The following FRK variants were observed in gnomAD, a reference collection of about 807,000 sequenced individuals.
The protein encoded by FRK is tyrosine-protein kinase FRK.
In FRK, 51 loss-of-function variants were observed where a neutral mutation model predicts 56.4. The ratio of observed to expected loss-of-function variants is 0.90; its 90% CI spans 0.72 to 1.14. The LOEUF (loss-of-function observed/expected upper bound fraction) is 1.14. Ranked by LOEUF, FRK falls within the 50% of genes most tolerant of loss-of-function variation. The probability of loss-of-function intolerance (pLI) is 0.00; values close to 1 mark genes in which losing one functional copy is unlikely to be tolerated. For missense variants in FRK, 570 were observed against 601.4 expected (o/e 0.95, Z 0.55); for synonymous variants, 245 against 217.9 (o/e 1.12, Z -1.10).
intron 2 of FRK, among the ~76,000 whole-genome samples, chr6:115,984,072 C>G (rs1273773325): frequency 6.6e-6 from 1 of 152,094 alleles, no homozygotes; most frequent in Non-Finnish European, 1.5e-5. Context: ...TTTCAAGGCC[C>G]AGCTCAGGCA....
At chr6:116,014,439 G>A (rs1035392137) in intron 1 of FRK, among the ~76,000 whole-genome samples, 1 of 151,822 alleles carries the variant, frequency 6.6e-6, no homozygotes, top group Non-Finnish European at 1.5e-5. Context: ...AATATACTTT[G>A]AAAGGATTTG....
chr6:115,988,195 C>A (rs1269470238), intron 2 of FRK, among the ~76,000 whole-genome samples: 2 of 152,060 alleles, frequency 1.3e-5, no homozygotes, highest in Non-Finnish European at 2.9e-5. Context: ...TGACAGGATG[C>A]TGATAAATAG....
At chr6:116,024,463 T>G (rs1198868519) in intron 1 of FRK, among the ~76,000 whole-genome samples, 6 of 148,582 alleles carry the variant, frequency 4.0e-5, no homozygotes, top group African/African-American at 1.5e-4. Context: ...CCCCTTCTTG[T>G]GTCCATGTGT....
In FRK at chr6:115,936,587, T is replaced by A. The variant is rs890876337; in HGVS notation, c.*5827A>T. 1 of 152,162 alleles carries A rather than the reference T, an allele frequency of 6.6e-6. No individual in the cohort carries two copies. Among genetic ancestry groups the A allele is most frequent in the Non-Finnish European group, 1.5e-5 (1 of 68,044 alleles). The allele number at this position is 152,162 out of a possible 1,614,324, so 9.4% of individuals were successfully genotyped here. On this transcript the variant is annotated 3_prime_UTR_variant, in exon 8 of 8. Coordinates refer to ENST00000606080, the MANE Select transcript of FRK (RefSeq NM_002031.3). Reference sequence around the variant, plus strand: ...GAAGTTAAGAACACTGTAAAAAGATTAGAGGAATTGCTAACTAGAATAACA... The same window carrying A: ...GAAGTTAAGAACACTGTAAAAAGATAAGAGGAATTGCTAACTAGAATAACA...
At chr6:115,962,159 T>C (rs1481807754) in intron 4 of FRK, among the ~76,000 whole-genome samples, 2 of 137,980 alleles carry the variant, frequency 1.4e-5, no homozygotes, top group African/African-American at 5.6e-5. Flanking sequence ...CCATCTCACG[T>C]GCAGAGACAC....
At chr6:115,985,694 G>T (rs533962268) in intron 2 of FRK, among the ~76,000 whole-genome samples, 56 of 152,008 alleles carry the variant, frequency 3.7e-4, no homozygotes, top group African/African-American at 1.3e-3. Flanking sequence ...AAATGTTCAG[G>T]ACAGTGTCTA....
intron 2 of FRK, among the ~76,000 whole-genome samples, chr6:115,978,891 A>G (rs1236868199): frequency 6.6e-6 from 1 of 152,160 alleles, no homozygotes. Context: ...ATCTTTACAA[A>G]AAATGAACAA....
the FRK span, among the ~76,000 whole-genome samples, chr6:116,100,169 T>C: frequency 1.2e-4 from 19 of 152,328 alleles, no homozygotes; most frequent in East Asian, 3.5e-3. Context: ...AAAAAATTCA[T>C]TACAATAACA....
At chr6:115,949,298 T>G (rs1772607263) in intron 5 of FRK, among the ~76,000 whole-genome samples, 1 of 152,202 alleles carries the variant, frequency 6.6e-6, no homozygotes, top group African/African-American at 2.4e-5. Context: ...CTGATTGTCC[T>G]GGCCAGAACT....
At chr6:116,098,692 G>C in the FRK span, among the ~76,000 whole-genome samples, 5 of 152,182 alleles carry the variant, frequency 3.3e-5, no homozygotes, top group Non-Finnish European at 7.3e-5. Context: ...ACTTGTAGTT[G>C]ATAATACAAG....
At chr6:115,947,255 T>C (rs1046761474) in intron 5 of FRK, among the ~76,000 whole-genome samples, 7 of 152,010 alleles carry the variant, frequency 4.6e-5, no homozygotes, top group Admixed American at 3.3e-4. Flanking sequence ...ATATATATGA[T>C]ATTTTTAATA....
intron 4 of FRK, among the ~76,000 whole-genome samples, chr6:115,957,076 G>C (rs1562255929): frequency 6.6e-6 from 1 of 152,176 alleles, no homozygotes; most frequent in Non-Finnish European, 1.5e-5. Context: ...CCATACTTTT[G>C]TCTTTAATTC....
At chr6:115,990,764 T>C (rs1310820931) in intron 2 of FRK, among the ~76,000 whole-genome samples, 1 of 152,012 alleles carries the variant, frequency 6.6e-6, no homozygotes, top group Non-Finnish European at 1.5e-5. Context: ...GTGCTCTTTT[T>C]TGGTGCCATG....
chr6:115,973,013 C>T (rs1773866951), intron 2 of FRK, among the ~76,000 whole-genome samples: 6 of 152,140 alleles, frequency 3.9e-5, no homozygotes, highest in Admixed American at 3.9e-4. Context: ...TTACTTTCAG[C>T]AGTGATATCA....
intron 2 of FRK, among the ~76,000 whole-genome samples, chr6:116,003,474 C>T (rs1311311622): frequency 3.3e-5 from 5 of 151,980 alleles, no homozygotes; most frequent in African/African-American, 7.2e-5. Context: ...CATTTCAATT[C>T]GTTTTATGTT....
At chr6:116,041,539 A>G (rs1029949212) in intron 1 of FRK, among the ~76,000 whole-genome samples, 2 of 152,104 alleles carry the variant, frequency 1.3e-5, no homozygotes, top group African/African-American at 2.4e-5. Context: ...TGCATTTCCA[A>G]CTGAGGTACC....
At chr6:116,010,724 T>C (rs1775431334) in intron 1 of FRK, among the ~76,000 whole-genome samples, 1 of 152,188 alleles carries the variant, frequency 6.6e-6, no homozygotes, top group Non-Finnish European at 1.5e-5. Flanking sequence ...ATAATTTCCT[T>C]ATAGCCTTGT....
chr6:116,085,062 A>G, the FRK span, among the ~76,000 whole-genome samples: 1 of 152,142 alleles, frequency 6.6e-6, no homozygotes, highest in Non-Finnish European at 1.5e-5. Context: ...GAAATTATGA[A>G]GGATGTGTGA....
intron 1 of FRK, among the ~76,000 whole-genome samples, chr6:116,056,872 A>T (rs1777419224): frequency 6.6e-6 from 1 of 152,252 alleles, no homozygotes; most frequent in African/African-American, 2.4e-5. Flanking sequence ...GGTTTATTAT[A>T]TCACTTAGTG....
Sources: allele counts gnomAD v4.1 joint callset (sites outside exome capture counted in the v4.1 genomes callset), GRCh38; gene constraint gnomAD v4.1.1; transcripts MANE v1.5; gene names NCBI Gene and HGNC (gene_info 2026-07-23, HGNC 2026-07-21).